The following CUEDC1 variants were observed in gnomAD, a reference collection of about 807,000 sequenced individuals.
CUEDC1 encodes CUE domain containing 1, also known as CUE domain-containing protein 1.
A neutral mutation model predicts 43.7 loss-of-function variants in CUEDC1; 30 were observed. That is an observed-to-expected ratio of 0.69 (90% CI 0.51 to 0.93). The LOEUF is 0.93. Among genes scored for constraint, CUEDC1 ranks in the 40% least tolerant of loss-of-function variants. The pLI, the probability that CUEDC1 is intolerant of heterozygous loss-of-function variation, is 0.00. For synonymous variants in CUEDC1, 223 were observed against 223.6 expected (o/e 1.00, Z 0.02); for missense variants, 486 against 549.0 (o/e 0.89, Z 1.15).
intron 5 of CUEDC1, 43 bp from the exon 6 acceptor site, chr17:57,871,412 G>A: frequency 1.3e-6 from 2 of 1,519,794 alleles, no homozygotes; most frequent in African/African-American, 1.4e-5. Flanking sequence ...GTTAGCTCCT[G>A]GGCTCCCAGG....
intron 1 of CUEDC1, among the ~76,000 whole-genome samples, chr17:57,908,224 T>G (rs995556875): frequency 5.3e-5 from 8 of 152,070 alleles, no homozygotes; most frequent in African/African-American, 1.7e-4. Flanking sequence ...ACCTGACAAA[T>G]TTTTGTATTT....
rs1018258509 is a variant in CUEDC1, at chr17:57,866,435, C to T, written c.*3+39G>A. On this transcript the variant is annotated intron_variant, in intron 10 of 10. Coordinates refer to ENST00000577830, the MANE Select transcript of CUEDC1 (RefSeq NM_001271875.2). ...GGTGCATAGTGTGGGGGGCCCTGGC[C>T]TTGGGCAGTCCCTGGGTTGCTATGG... is the stretch of plus-strand genomic sequence containing the variant. The T allele has an allele frequency of 1.9e-6, 3 of 1,602,828 alleles. No homozygotes were observed. The Admixed American group carries it at 5.0e-5, about 27-fold the overall frequency.
chr17:57,890,182 C>A (rs1262365239), intron 1 of CUEDC1, among the ~76,000 whole-genome samples: 4 of 152,162 alleles, frequency 2.6e-5, no homozygotes, highest in Non-Finnish European at 5.9e-5. Context: ...GAACCCACTT[C>A]CTAAGAGGCA....
chr17:57,920,573 G>A (rs758935772), intron 1 of CUEDC1, among the ~76,000 whole-genome samples: 113 of 152,118 alleles, frequency 7.4e-4, no homozygotes, highest in Non-Finnish European at 1.2e-3. Flanking sequence ...GATGGGATTG[G>A]GGGGTTGTTA....
intron 2 of CUEDC1, among the ~76,000 whole-genome samples, chr17:57,881,183 C>G (rs990073728): frequency 2.0e-5 from 3 of 152,254 alleles, no homozygotes; most frequent in Non-Finnish European, 4.4e-5. Context: ...CACATACACA[C>G]ACACGCGCAC....
rs550939920 is a variant in CUEDC1 at position 57,918,434 on chromosome 17, A to G, written c.-315-32555T>C. On this transcript the variant is annotated intron_variant, in intron 1 of 10. Transcript: ENST00000577830. ...TATCCCGCCCTGGGTTATAAAAGCC[A>G]CCAAAGAGACAACGGAAGAATGCAG... Among the ~76,000 whole-genome samples the G allele has an allele frequency of 2.0e-5, 3 of 152,316 alleles. No homozygotes were observed. The East Asian group carries it at 5.8e-4, about 29-fold the overall frequency.
At chr17:57,869,022 A>G in intron 7 of CUEDC1, 100 bp downstream of exon 7, 1 of 1,191,452 alleles carries the variant, frequency 8.4e-7, no homozygotes, top group Non-Finnish European at 1.2e-6. Context: ...ACCAAGAGTC[A>G]GCTGCATTAC....
In CUEDC1 at chr17:57,954,504, G is replaced by C. The variant is rs1042521353; in HGVS notation, c.-316+721C>G. On this transcript the variant is annotated intron_variant, in intron 1 of 10. Transcript: ENST00000577830. This position sits in a 1 kb window ranked among gnomAD's most constrained non-coding sequence, Gnocchi z 4.3. ...AAGGCGACCACGCGACCGAGAAAAG[G>C]AAGAGGGAGGAATGAATAAACGCTG... 6.6e-6 allele frequency among the ~76,000 whole-genome samples: 1 copy of C among 152,178 alleles called. No homozygotes were observed. The highest frequency in any genetic ancestry group is 2.4e-5 in the African/African-American group (1 of 41,442).
At chr17:57,952,862 C>T (rs764461995) in intron 1 of CUEDC1, among the ~76,000 whole-genome samples, 6 of 152,102 alleles carry the variant, frequency 3.9e-5, no homozygotes, top group Non-Finnish European at 7.4e-5. Flanking sequence ...AATGGCAGAT[C>T]GTCCTAAAGC....
At chr17:57,893,296 A>G (rs1385592274) in intron 1 of CUEDC1, among the ~76,000 whole-genome samples, 1 of 151,868 alleles carries the variant, frequency 6.6e-6, no homozygotes, top group African/African-American at 2.4e-5. Context: ...AGAGGCCCCA[A>G]AAGGGGGTGA....
intron 1 of CUEDC1, among the ~76,000 whole-genome samples, chr17:57,897,971 C>T (rs930817388): frequency 5.9e-5 from 9 of 152,204 alleles, no homozygotes; most frequent in Non-Finnish European, 8.8e-5. Context: ...CGAGATTGCA[C>T]CACTGCACTC....
intron 1 of CUEDC1, among the ~76,000 whole-genome samples, chr17:57,949,856 A>T (rs550511171): frequency 7.6e-4 from 115 of 151,748 alleles, no homozygotes; most frequent in Non-Finnish European, 1.1e-3. Context: ...GAACTACCAC[A>T]CCCAGCCCTG....
chr17:57,921,580 A>G (rs931108994), intron 1 of CUEDC1, among the ~76,000 whole-genome samples: 1 of 152,184 alleles, frequency 6.6e-6, no homozygotes, highest in Non-Finnish European at 1.5e-5. Context: ...TGTCTGGCCC[A>G]TTTGCTTTGT....
intron 1 of CUEDC1, among the ~76,000 whole-genome samples, chr17:57,907,545 T>C (rs565286517): frequency 6.6e-6 from 1 of 152,178 alleles, no homozygotes; most frequent in South Asian, 2.1e-4. Flanking sequence ...CCACAAATCT[T>C]GTTCAAAAGT....
chr17:57,934,713 C>T (rs997522413), intron 1 of CUEDC1, among the ~76,000 whole-genome samples: 1 of 151,966 alleles, frequency 6.6e-6, no homozygotes, highest in East Asian at 1.9e-4. Context: ...CCATCCTTCC[C>T]GATTGTTTTT....
chr17:57,904,231 C>G (rs1036750060), intron 1 of CUEDC1, among the ~76,000 whole-genome samples: 6 of 152,136 alleles, frequency 3.9e-5, no homozygotes, highest in African/African-American at 1.4e-4. Flanking sequence ...TCCTGGCCCC[C>G]CTACCCCACC....
chr17:57,923,454 C>G (rs1459509228), intron 1 of CUEDC1, among the ~76,000 whole-genome samples: 1 of 152,224 alleles, frequency 6.6e-6, no homozygotes, highest in Non-Finnish European at 1.5e-5. Context: ...GTGCCACACC[C>G]TGCTTTCACG....
intron 1 of CUEDC1, among the ~76,000 whole-genome samples, chr17:57,892,114 A>G (rs985097423): frequency 6.6e-6 from 1 of 152,196 alleles, no homozygotes; most frequent in South Asian, 2.1e-4. Context: ...GGCTCACAGC[A>G]ATGATGGGAG....
At chr17:57,878,707 C>G (rs578262080) in intron 3 of CUEDC1, among the ~76,000 whole-genome samples, 1 of 152,162 alleles carries the variant, frequency 6.6e-6, no homozygotes, top group South Asian at 2.1e-4. Context: ...CACTCTGTCA[C>G]CCAGGCTGGA....
Sources: allele counts gnomAD v4.1 joint callset (sites outside exome capture counted in the v4.1 genomes callset), GRCh38; gene constraint gnomAD v4.1.1; non-coding constraint Gnocchi (gnomAD v3.1); transcripts MANE v1.5; gene names NCBI Gene and HGNC (gene_info 2026-07-23, HGNC 2026-07-21).